Variants in ZNF521 observed in about 807,000 individuals in gnomAD.
ZNF521 encodes the protein zinc finger protein 521.
In ZNF521, 14 loss-of-function variants were observed where a neutral mutation model predicts 105.5. That is an observed-to-expected ratio of 0.13 (90% CI 0.09 to 0.21). ZNF521 has a LOEUF of 0.21. Among genes scored for constraint, ZNF521 ranks in the 10% least tolerant of loss-of-function variants. The probability of loss-of-function intolerance (pLI) is 1.00; values close to 1 mark genes in which losing one functional copy is unlikely to be tolerated. For missense variants in ZNF521, 1,233 were observed against 1,629.7 expected, an observed-to-expected ratio of 0.76 and a Z score of 4.19; for synonymous variants, 635 against 606.0, an observed-to-expected ratio of 1.05 and a Z score of -0.70.
At chr18:25,077,910 C>T (rs943828648) in intron 7 of ZNF521, among the ~76,000 whole-genome samples, 1 of 151,958 alleles carries the variant, frequency 6.6e-6, no homozygotes, top group African/African-American at 2.4e-5. Flanking sequence ...AGAAATTCAA[C>T]AGTGATGTAG....
Position 25,227,757 on chromosome 18 carries a change from C to A in ZNF521, c.221-60G>T. The A allele has an allele frequency of 6.9e-7, 1 of 1,448,116 alleles. No homozygotes were observed. The highest frequency in any genetic ancestry group is 2.1e-5 in the Admixed American group (1 of 48,496). 89.7% of individuals were successfully genotyped at this position (1,448,116 alleles called of 1,614,324 possible). ...ATGTTGAGATTCAAGAGTGAGTTTA[C>A]CGTAGCATTTCAACCAGCACGCAGA... is the stretch of plus-strand genomic sequence containing the variant. On this transcript the variant is annotated intron_variant, in intron 3 of 7. Coordinates refer to ENST00000361524, the MANE Select transcript of ZNF521 (RefSeq NM_015461.3). This position sits in a 1 kb window ranked among gnomAD's most constrained non-coding sequence, Gnocchi z 5.7.
intron 5 of ZNF521, among the ~76,000 whole-genome samples, chr18:25,138,348 G>A (rs751597742): frequency 3.3e-5 from 5 of 152,112 alleles, no homozygotes; most frequent in Admixed American, 6.6e-5. Flanking sequence ...AAAGAAAAAA[G>A]ATAACCCTGA....
intron 3 of ZNF521, among the ~76,000 whole-genome samples, chr18:25,229,276 C>T (rs1210522066): frequency 6.6e-6 from 1 of 152,140 alleles, no homozygotes; most frequent in African/African-American, 2.4e-5. Context: ...CTGATGACAA[C>T]ACCATCTCAC....
At chr18:25,289,846 A>G (rs553959343) in intron 3 of ZNF521, among the ~76,000 whole-genome samples, 1 of 152,342 alleles carries the variant, frequency 6.6e-6, no homozygotes, top group African/African-American at 2.4e-5. Context: ...GCACACAATA[A>G]AAGTGTAGCT....
chr18:25,285,869 T>C (rs1400516297), intron 3 of ZNF521, among the ~76,000 whole-genome samples: 1 of 152,184 alleles, frequency 6.6e-6, no homozygotes, highest in East Asian at 1.9e-4. Flanking sequence ...TGCCACCCTT[T>C]TGCTACACAG....
At position 25,164,540 on chromosome 18, in the gene ZNF521, G is replaced by A. The variant is rs151199904; in HGVS notation, c.3658+30620C>T. Among the ~76,000 whole-genome samples, 1,003 of 152,318 alleles carry A rather than the reference G, an allele frequency of 6.6e-3. 15 individuals are homozygous for A. The highest frequency in any genetic ancestry group is 0.023 in the African/African-American group (963 of 41,578). ...AAAGTAGTCCTGTGTGTTACTATCA[G>A]TTTAATTTAAACTGCATGCGGGTAT... is the stretch of plus-strand genomic sequence containing the variant. On this transcript the variant is annotated intron_variant, in intron 5 of 7. Coordinates refer to ENST00000361524, the MANE Select transcript of ZNF521 (RefSeq NM_015461.3).
At chr18:25,123,394 C>T (rs1247584662) in intron 5 of ZNF521, among the ~76,000 whole-genome samples, 2 of 152,058 alleles carry the variant, frequency 1.3e-5, no homozygotes, top group Non-Finnish European at 2.9e-5. Context: ...GGGAAAGTGA[C>T]AAACCTCCTC....
At chr18:25,087,499 G>C (rs2033649386) in intron 7 of ZNF521, among the ~76,000 whole-genome samples, 1 of 152,082 alleles carries the variant, frequency 6.6e-6, no homozygotes, top group South Asian at 2.1e-4. Context: ...AAGAACACTA[G>C]GTAGGAATCA....
intron 2 of ZNF521, among the ~76,000 whole-genome samples, chr18:25,338,261 G>T (rs868610924): frequency 2.2e-5 from 3 of 135,902 alleles, no homozygotes; most frequent in African/African-American, 6.5e-5. Flanking sequence ...ATAGACTTTT[G>T]TGTGTGTGTG....
chr18:25,340,481 G>C (rs2145205082), intron 2 of ZNF521, among the ~76,000 whole-genome samples: 1 of 152,290 alleles, frequency 6.6e-6, no homozygotes, highest in African/African-American at 2.4e-5. Flanking sequence ...GGAAAGTAAG[G>C]CTGTCCAAAC....
intron 4 of ZNF521, among the ~76,000 whole-genome samples, chr18:25,217,418 A>C (rs1306100494): frequency 6.6e-6 from 1 of 152,218 alleles, no homozygotes; most frequent in African/African-American, 2.4e-5. Context: ...AAGAGGAATG[A>C]GGAATGATTC....
chr18:25,342,227 A>C (rs1914236467), intron 2 of ZNF521, among the ~76,000 whole-genome samples: 1 of 152,124 alleles, frequency 6.6e-6, no homozygotes, highest in Non-Finnish European at 1.5e-5. Context: ...CCCTTGCCTC[A>C]TGTCTGCAAA....
chr18:25,221,269 C>A (rs1905707047), intron 4 of ZNF521, among the ~76,000 whole-genome samples: 1 of 152,156 alleles, frequency 6.6e-6, no homozygotes, highest in Non-Finnish European at 1.5e-5. Context: ...AACAATTATC[C>A]TTCTTTTAGT....
At chr18:25,144,827 G>A (rs1023340609) in intron 5 of ZNF521, among the ~76,000 whole-genome samples, 1 of 152,132 alleles carries the variant, frequency 6.6e-6, no homozygotes, top group Non-Finnish European at 1.5e-5. Flanking sequence ...AGTGATTTTA[G>A]AATCTCAAGA....
intron 4 of ZNF521, among the ~76,000 whole-genome samples, chr18:25,207,247 C>T (rs1227030886): frequency 6.6e-6 from 1 of 152,136 alleles, no homozygotes; most frequent in Non-Finnish European, 1.5e-5. Context: ...GCCCATGACT[C>T]ACAGAAAGTG....
At chr18:25,167,654 T>C (rs1385408849) in intron 5 of ZNF521, among the ~76,000 whole-genome samples, 1 of 152,174 alleles carries the variant, frequency 6.6e-6, no homozygotes, top group Non-Finnish European at 1.5e-5. Flanking sequence ...GCCAACACTG[T>C]TGCATGAGTA....
At chr18:25,317,592 G>A (rs1912710395) in intron 3 of ZNF521, among the ~76,000 whole-genome samples, 3 of 152,168 alleles carry the variant, frequency 2.0e-5, no homozygotes, top group African/African-American at 7.2e-5. Flanking sequence ...AAGTTCCCAT[G>A]TCTTTATCCT....
At chr18:25,123,075 C>G (rs1302807354) in intron 5 of ZNF521, among the ~76,000 whole-genome samples, 1 of 151,612 alleles carries the variant, frequency 6.6e-6, no homozygotes, top group Non-Finnish European at 1.5e-5. Flanking sequence ...CTAGACATTC[C>G]TCTATTTGGG....
At chr18:25,130,011 G>A (rs1397708808) in intron 5 of ZNF521, among the ~76,000 whole-genome samples, 1 of 152,160 alleles carries the variant, frequency 6.6e-6, no homozygotes, top group Non-Finnish European at 1.5e-5. Context: ...ATTTGAAAAT[G>A]TATGTCCACA....
Sources: allele counts gnomAD v4.1 joint callset (sites outside exome capture counted in the v4.1 genomes callset), GRCh38; gene constraint gnomAD v4.1.1; non-coding constraint Gnocchi (gnomAD v3.1); transcripts MANE v1.5; gene names NCBI Gene and HGNC (gene_info 2026-07-23, HGNC 2026-07-21).